The following IKZF3 variants were observed in gnomAD, a reference collection of about 807,000 sequenced individuals.
IKZF3 encodes zinc finger protein Aiolos.
A neutral mutation model predicts 49.0 loss-of-function variants in IKZF3; 10 were observed. The observed-to-expected ratio is 0.20, with a 90% CI of 0.13 to 0.35. IKZF3 has a LOEUF of 0.35. Ranked by LOEUF, IKZF3 falls within the 10% of genes least tolerant of loss-of-function variation. IKZF3 has a pLI of 1.00. For missense variants in IKZF3, 498 were observed against 664.8 expected (o/e 0.75, Z 2.76); for synonymous variants, 209 against 228.2 (o/e 0.92, Z 0.76).
intron 7 of IKZF3, among the ~76,000 whole-genome samples, chr17:39,776,724 C>T (rs1022553817): frequency 2.0e-5 from 3 of 152,100 alleles, no homozygotes; most frequent in Non-Finnish European, 2.9e-5. Context: ...ATTTAAAAAC[C>T]AGGCAGGCAA....
chr17:39,781,673 C>A (rs1467230393), intron 6 of IKZF3, among the ~76,000 whole-genome samples: 1 of 152,142 alleles, frequency 6.6e-6, no homozygotes, highest in East Asian at 1.9e-4. Context: ...TCTGAGGACA[C>A]GTAATCAACA....
intron 6 of IKZF3, among the ~76,000 whole-genome samples, chr17:39,784,592 C>T (rs962739794): frequency 6.6e-6 from 1 of 152,048 alleles, no homozygotes; most frequent in African/African-American, 2.4e-5. Flanking sequence ...TTAGTAGAGA[C>T]GGGGTTTCAA....
chr17:39,842,060 C>CAAAAAAAA (rs1491414621), intron 1 of IKZF3, among the ~76,000 whole-genome samples: 5 of 20,314 alleles, frequency 2.5e-4, no homozygotes, highest in Non-Finnish European at 2.8e-4. Context: ...AAAAAAAAAA[C>CAAAAAAAA]CAGATAAAAT....
At chr17:39,789,844 T>C (rs1355786185) in intron 5 of IKZF3, among the ~76,000 whole-genome samples, 13 of 141,502 alleles carry the variant, frequency 9.2e-5, no homozygotes, top group Non-Finnish European at 7.5e-5. Flanking sequence ...GAGGTTGCAG[T>C]GAGCCAAGAT....
chr17:39,800,385 T>C (rs937517471), intron 3 of IKZF3, among the ~76,000 whole-genome samples: 1 of 152,168 alleles, frequency 6.6e-6, no homozygotes, highest in African/African-American at 2.4e-5. Context: ...TTTTTGTACA[T>C]ATGATCTATT....
intron 5 of IKZF3, 40 bp from the exon 6 acceptor site, chr17:39,788,414 G>T (rs770080609): frequency 1.5e-5 from 20 of 1,330,412 alleles, no homozygotes; most frequent in Middle Eastern, 2.2e-4. Context: ...GACCCTCAGG[G>T]GTTCCACACA....
chr17:39,850,559 A>T (rs1191158328), intron 1 of IKZF3, among the ~76,000 whole-genome samples: 1 of 121,250 alleles, frequency 8.2e-6, no homozygotes, highest in Non-Finnish European at 1.7e-5. Flanking sequence ...CATATTATAC[A>T]TGTACATATA....
intron 7 of IKZF3, among the ~76,000 whole-genome samples, chr17:39,777,363 A>G (rs565262109): frequency 9.2e-5 from 14 of 152,372 alleles, no homozygotes; most frequent in Admixed American, 4.6e-4. Context: ...CTCATGCAAC[A>G]TATGTCATTC....
chr17:39,860,101 T>C (rs1185645322), intron 1 of IKZF3, among the ~76,000 whole-genome samples: 1 of 152,114 alleles, frequency 6.6e-6, no homozygotes, highest in Non-Finnish European at 1.5e-5. Flanking sequence ...CAGCAGGTCA[T>C]GGCGGTTTGT....
At chr17:39,843,789 AGAGT>A (rs2062549986) in intron 1 of IKZF3, among the ~76,000 whole-genome samples, 1 of 151,456 alleles carries the variant, frequency 6.6e-6, no homozygotes, top group Admixed American at 6.6e-5. Flanking sequence ...CCTGGGCGAC[AGAGT>A]GAGACTCCGT....
intron 1 of IKZF3, chr17:39,836,046 G>A: frequency 1.6e-6 from 1 of 643,096 alleles, no homozygotes; most frequent in Non-Finnish European, 2.8e-6. Flanking sequence ...GCTCTACTTG[G>A]TCTCCAGCAT....
chr17:39,846,022 T>C (rs1409160717), intron 1 of IKZF3, among the ~76,000 whole-genome samples: 1 of 152,184 alleles, frequency 6.6e-6, no homozygotes, highest in Non-Finnish European at 1.5e-5. Context: ...ATAAAACCAT[T>C]TTCTTATTTC....
chr17:39,800,518 G>C (rs1268050850), intron 3 of IKZF3, among the ~76,000 whole-genome samples: 1 of 152,150 alleles, frequency 6.6e-6, no homozygotes, highest in Non-Finnish European at 1.5e-5. Context: ...CAGAGGCAGG[G>C]AAAAGATGTC....
intron 3 of IKZF3, among the ~76,000 whole-genome samples, chr17:39,796,064 A>C (rs1296786735): frequency 3.9e-5 from 6 of 152,068 alleles, no homozygotes; most frequent in African/African-American, 1.4e-4. Context: ...ATAAAATAAA[A>C]TAAATTAGAA....
intron 6 of IKZF3, chr17:39,778,293 C>CTTTCTA: frequency 1.8e-6 from 1 of 556,052 alleles, no homozygotes; most frequent in Non-Finnish European, 2.3e-6. Context: ...TGAGTGGTTT[C>CTTTCTA]TTTCTTTTTC....
At chr17:39,831,976 T>A in intron 2 of IKZF3, 122 bp downstream of exon 2, 48 of 666,488 alleles carry the variant, frequency 7.2e-5, no homozygotes, top group South Asian at 1.0e-4. Flanking sequence ...CAACCATATT[T>A]AAAAAAAAAC....
intron 4 of IKZF3, 74 bp from the exon 5 acceptor site, chr17:39,791,657 G>C: frequency 2.1e-6 from 3 of 1,438,728 alleles, no homozygotes; most frequent in Non-Finnish European, 2.9e-6. Flanking sequence ...TAGATGCCTA[G>C]GGGAAAAGCT....
At position 39,766,163 on chromosome 17, in the gene IKZF3, G is replaced by A; in HGVS notation, c.1157C>T (p.Ser386Phe). The change falls in exon 8 of 8, where the codon TCC (serine) becomes TTC (phenylalanine). Residue 386 changes from serine to phenylalanine, a missense_variant. Ser to Phe is a radical substitution (Grantham distance 155, BLOSUM62 -2). This residue lies in a region of IKZF3 where 317 missense variants were observed against 397.3 expected (regional missense o/e 0.80). Transcript: ENST00000346872. ...TTCATGGTTGCTGTCAGTGTCCGTGGAGTCGTGGCCACTATTGTTGGGAGA... is the reference window on the plus strand; with the variant it reads ...TTCATGGTTGCTGTCAGTGTCCGTGAAGTCGTGGCCACTATTGTTGGGAGA... The part of the protein sequence containing the change: ...GLSPNNSGHD[S>F]TDTDSNHEER... 3 of 1,614,026 alleles carry A rather than the reference G, an allele frequency of 1.9e-6. 1 individual carries two copies.
At chr17:39,855,679 C>T (rs934935175) in intron 1 of IKZF3, among the ~76,000 whole-genome samples, 4 of 152,120 alleles carry the variant, frequency 2.6e-5, no homozygotes, top group South Asian at 2.1e-4. Flanking sequence ...AAAAATTAGT[C>T]GGGCAGTATT....
Sources: allele counts gnomAD v4.1 joint callset (sites outside exome capture counted in the v4.1 genomes callset), GRCh38; gene constraint gnomAD v4.1.1; regional missense constraint gnomAD v4.1.1; transcripts MANE v1.5; gene names NCBI Gene and HGNC (gene_info 2026-07-23, HGNC 2026-07-21).